The following SGCZ variants were observed in gnomAD, a reference collection of about 807,000 sequenced individuals.
SGCZ encodes the protein zeta-sarcoglycan.
A neutral mutation model predicts 41.3 loss-of-function variants in SGCZ; 40 were observed. The ratio of observed to expected loss-of-function variants is 0.97; its 90% CI spans 0.75 to 1.26. SGCZ has a LOEUF of 1.26. Among genes scored for constraint, SGCZ ranks in the 50% most tolerant of loss-of-function variants. The pLI, the probability that SGCZ is intolerant of heterozygous loss-of-function variation, is 0.00. For synonymous variants in SGCZ, 206 were observed against 137.5 expected (o/e 1.50, Z -3.49); for missense variants, 552 against 369.8 (o/e 1.49, Z -4.04).
intron 1 of SGCZ, among the ~76,000 whole-genome samples, chr8:14,966,676 G>C (rs536214720): frequency 1.4e-4 from 21 of 152,108 alleles, no homozygotes; most frequent in Admixed American, 1.2e-3. Flanking sequence ...CAACAAAAAA[G>C]AAATGAAATG....
chr8:14,508,803 T>C (rs1802383492), intron 2 of SGCZ, among the ~76,000 whole-genome samples: 1 of 152,204 alleles, frequency 6.6e-6, no homozygotes, highest in Admixed American at 6.5e-5. Context: ...TATTCTTCAA[T>C]TGCTCTGATT....
chr8:14,910,561 T>C (rs1346032567), intron 1 of SGCZ, among the ~76,000 whole-genome samples: 2 of 151,954 alleles, frequency 1.3e-5, no homozygotes, highest in East Asian at 3.9e-4. Flanking sequence ...CCATTTTTCT[T>C]AACATTAATA....
rs149280082 is a variant in SGCZ at position 14,520,170 on chromosome 8, T to C, written c.234+34562A>G. Among the ~76,000 whole-genome samples the C allele has an allele frequency of 2.6e-5, 4 of 152,214 alleles. No individual in the cohort carries two copies. In the East Asian group the frequency reaches 7.7e-4, roughly 29 times the overall value. Reference sequence around the variant, plus strand: ...AATACATTAGCAAGTTGCAATTTGGTTCACACTATGTAAGAATGCATTGGA... The same window carrying C: ...AATACATTAGCAAGTTGCAATTTGGCTCACACTATGTAAGAATGCATTGGA... On this transcript the variant is annotated intron_variant, in intron 2 of 7. Transcript: ENST00000382080.
At chr8:14,918,324 T>A (rs759566199) in intron 1 of SGCZ, among the ~76,000 whole-genome samples, 17 of 152,096 alleles carry the variant, frequency 1.1e-4, no homozygotes, top group Non-Finnish European at 2.2e-4. Flanking sequence ...TTCTAAGTGG[T>A]ATGAATTTAA....
chr8:14,205,165 G>T (rs947057486), intron 4 of SGCZ, among the ~76,000 whole-genome samples: 1 of 39,514 alleles, frequency 2.5e-5, no homozygotes, highest in Non-Finnish European at 4.7e-5. Context: ...TGGTATCCTA[G>T]ACTTTATTTT....
At chr8:14,265,327 G>C (rs1400032424) in intron 3 of SGCZ, among the ~76,000 whole-genome samples, 1 of 152,078 alleles carries the variant, frequency 6.6e-6, no homozygotes, top group Non-Finnish European at 1.5e-5. Context: ...GGAAACAAAA[G>C]ACGTCATTTT....
At chr8:14,589,345 CAA>C (rs34816729) in intron 1 of SGCZ, among the ~76,000 whole-genome samples, 32,274 of 122,578 alleles carry the variant, frequency 0.26, 3,510 homozygotes, top group African/African-American at 0.32. Flanking sequence ...GACTCCATCT[CAA>C]AAAAAAAAAA....
At chr8:14,837,382 G>A (rs1020549894) in intron 1 of SGCZ, among the ~76,000 whole-genome samples, 1 of 152,186 alleles carries the variant, frequency 6.6e-6, no homozygotes, top group African/African-American at 2.4e-5. Context: ...TGTTTCCAAG[G>A]AATCGTATAA....
intron 1 of SGCZ, among the ~76,000 whole-genome samples, chr8:14,643,016 T>A (rs1284513312): frequency 6.6e-6 from 1 of 151,618 alleles, no homozygotes. Context: ...TTTAAATGAA[T>A]ATATTTTGAC....
At chr8:14,125,787 T>C (rs1802835745) in intron 5 of SGCZ, among the ~76,000 whole-genome samples, 1 of 152,020 alleles carries the variant, frequency 6.6e-6, no homozygotes, top group African/African-American at 2.4e-5. Flanking sequence ...TATAGACCAA[T>C]GGAACACAAT....
intron 5 of SGCZ, among the ~76,000 whole-genome samples, chr8:14,134,763 G>GT (rs1267681146): frequency 6.6e-6 from 1 of 152,094 alleles, no homozygotes; most frequent in East Asian, 1.9e-4. Flanking sequence ...TCACATTTCT[G>GT]TTTTTTTAAA....
At chr8:14,435,650 T>A (rs1800069223) in intron 2 of SGCZ, among the ~76,000 whole-genome samples, 1 of 152,244 alleles carries the variant, frequency 6.6e-6, no homozygotes, top group Non-Finnish European at 1.5e-5. Flanking sequence ...GTATTCTTTA[T>A]GATACTAAAC....
chr8:14,170,364 A>G (rs1172386566), intron 4 of SGCZ, among the ~76,000 whole-genome samples: 1 of 152,128 alleles, frequency 6.6e-6, no homozygotes, highest in African/African-American at 2.4e-5. Context: ...CCTGATCTTA[A>G]TGGCATAAAT....
intron 1 of SGCZ, among the ~76,000 whole-genome samples, chr8:14,646,554 T>A (rs1267378759): frequency 1.3e-5 from 2 of 151,904 alleles, no homozygotes; most frequent in Non-Finnish European, 2.9e-5. Context: ...GGACAATTTA[T>A]TTTCTTTTGG....
At chr8:15,217,976 C>T (rs755964987) in intron 1 of SGCZ, among the ~76,000 whole-genome samples, 16 of 152,070 alleles carry the variant, frequency 1.1e-4, no homozygotes, top group African/African-American at 3.6e-4. Flanking sequence ...ATCCCAGCTG[C>T]TGGGGAGGCC....
chr8:14,718,282 G>T (rs1422859036), intron 1 of SGCZ, among the ~76,000 whole-genome samples: 1 of 151,618 alleles, frequency 6.6e-6, no homozygotes, highest in Admixed American at 6.6e-5. Context: ...ACAGCATTCA[G>T]GAGACAGCTG....
rs1414896792 is a variant in SGCZ at position 14,552,084 on chromosome 8, G to A, written c.234+2648C>T. Among the ~76,000 whole-genome samples the A allele has an allele frequency of 3.1e-5, 4 of 127,538 alleles. 1 individual carries two copies. Among genetic ancestry groups the A allele is most frequent in the South Asian group, 4.9e-4 (2 of 4,042 alleles). 83.7% of individuals were successfully genotyped at this position (127,538 alleles called of 152,430 possible). On this transcript the variant is annotated intron_variant, in intron 2 of 7. Coordinates refer to ENST00000382080, the MANE Select transcript of SGCZ (RefSeq NM_139167.4). The stretch of plus-strand genomic sequence containing the variant: ...CAATAGTACTCCCCAAACAACTGAC[G>A]CATGATTTTCTACTTCTTACTATAG...
At chr8:14,768,024 T>C (rs1017160342) in intron 1 of SGCZ, among the ~76,000 whole-genome samples, 1 of 152,188 alleles carries the variant, frequency 6.6e-6, no homozygotes, top group African/African-American at 2.4e-5. Context: ...CTCACACATC[T>C]TGTTGTTTTT....
intron 1 of SGCZ, among the ~76,000 whole-genome samples, chr8:15,150,663 T>C (rs984663564): frequency 2.0e-5 from 3 of 152,184 alleles, no homozygotes; most frequent in South Asian, 2.1e-4. Context: ...GAGGCAGAGA[T>C]GAGAAAAAAT....
Sources: gnomAD v4.1 joint callset for allele counts (sites outside exome capture counted in the v4.1 genomes callset) on GRCh38, gnomAD v4.1.1 for gene constraint, MANE v1.5 for transcripts, NCBI Gene and HGNC (gene_info 2026-07-23, HGNC 2026-07-21) for gene names.